MYO1E: variants seen among roughly 807,000 people sequenced by gnomAD.
MYO1E encodes the protein unconventional myosin-Ie.
A neutral mutation model predicts 151.1 loss-of-function variants in MYO1E; 68 were observed. That is an observed-to-expected ratio of 0.45 (90% CI 0.37 to 0.55). The LOEUF (loss-of-function observed/expected upper bound fraction) is 0.55. Among genes scored for constraint, MYO1E ranks in the 20% least tolerant of loss-of-function variants. The pLI, the probability that MYO1E is intolerant of heterozygous loss-of-function variation, is 0.00. For synonymous variants in MYO1E, 601 were observed against 501.7 expected (o/e 1.20, Z -2.64); for missense variants, 1,363 against 1,389.3 (o/e 0.98, Z 0.30).
chr15:59,182,579 A>G (rs1421211711), intron 18 of MYO1E, among the ~76,000 whole-genome samples: 1 of 152,228 alleles, frequency 6.6e-6, no homozygotes, highest in Non-Finnish European at 1.5e-5. Flanking sequence ...CAATAGAGAC[A>G]AGGCTATTTG....
chr15:59,339,752 C>T (rs1160754692), intron 1 of MYO1E, among the ~76,000 whole-genome samples: 1 of 152,206 alleles, frequency 6.6e-6, no homozygotes, highest in Non-Finnish European at 1.5e-5. Flanking sequence ...AGTTTTGCGG[C>T]CAAGGCCTGA....
At chr15:59,163,367 T>G (rs2079548591) in intron 22 of MYO1E, 64 bp from the exon 23 acceptor site, 1 of 1,525,378 alleles carries the variant, frequency 6.6e-7, no homozygotes, top group Admixed American at 1.9e-5. Context: ...TATTGTTTTT[T>G]TTTTCTTCCA....
chr15:59,217,761 G>C (rs1441690863), intron 10 of MYO1E, 130 bp downstream of exon 10: 1 of 1,026,780 alleles, frequency 9.7e-7, no homozygotes, highest in Non-Finnish European at 1.5e-6. Context: ...CTCCTGGGCT[G>C]CAGTGATCCT....
Position 59,224,711 on chromosome 15 carries a change from C to G in MYO1E, c.755G>C (p.Arg252Thr). 1.2e-6 allele frequency: 2 copies of G among 1,613,428 alleles called. No homozygotes were observed. Among genetic ancestry groups the G allele is most frequent in the Non-Finnish European group, 8.5e-7 (1 of 1,179,286 alleles). Residue 252 changes from arginine (R) to threonine (T), a missense_variant, in exon 8 of 28, where the codon AGG (arginine) becomes ACG (threonine). Coordinates refer to ENST00000288235, the MANE Select transcript of MYO1E (RefSeq NM_004998.4). ...GSYKVDDIDD[R>T]REFQETLHAM... is the part of the protein sequence containing the mutation. ...TACCAGAGTTTCCTGAAACTCCCGC[C>G]TGTCGTCAATGTCATCAACCTTGTA...
chr15:59,303,857 C>A (rs2080498278), intron 1 of MYO1E, among the ~76,000 whole-genome samples: 1 of 152,150 alleles, frequency 6.6e-6, no homozygotes, highest in Non-Finnish European at 1.5e-5. Context: ...TTAACAACAA[C>A]AGCAGGAATA....
intron 7 of MYO1E, among the ~76,000 whole-genome samples, chr15:59,225,868 G>A (rs886761664): frequency 2.0e-5 from 3 of 152,026 alleles, no homozygotes; most frequent in East Asian, 1.9e-4. Flanking sequence ...GGATGGTCTC[G>A]ATCTCCTGAC....
intron 2 of MYO1E, among the ~76,000 whole-genome samples, chr15:59,271,521 T>C (rs1324732598): frequency 1.3e-5 from 2 of 152,326 alleles, no homozygotes. Context: ...TCAAACAAAA[T>C]TCCTATAGAA....
At chr15:59,286,977 A>G (rs984183517) in intron 1 of MYO1E, among the ~76,000 whole-genome samples, 38 of 152,150 alleles carry the variant, frequency 2.5e-4, no homozygotes, top group South Asian at 4.1e-4. Context: ...ACTAATCCAC[A>G]TGGCAGATCA....
rs188170856 is a variant in MYO1E at position 59,294,492 on chromosome 15, G to C, written c.4-22043C>G. Among the ~76,000 whole-genome samples, 889 of 152,316 alleles carry C rather than the reference G, an allele frequency of 5.8e-3. 10 individuals carry two copies. Among genetic ancestry groups the C allele is most frequent in the African/African-American group, 0.021 (858 of 41,560 alleles). Reference sequence around the variant, plus strand: ...ACTTGGAAATAAACAGCTTTGGATAGTGAGAGATAGCTGTGCTTGGTCACG... The same window carrying C: ...ACTTGGAAATAAACAGCTTTGGATACTGAGAGATAGCTGTGCTTGGTCACG... On this transcript the variant is annotated intron_variant, in intron 1 of 27. Transcript: ENST00000288235.
chr15:59,277,652 T>C (rs1365296034), intron 1 of MYO1E, among the ~76,000 whole-genome samples: 1 of 151,974 alleles, frequency 6.6e-6, no homozygotes, highest in Non-Finnish European at 1.5e-5. Context: ...AAAAGATACA[T>C]GTGCAAGGTT....
intron 23 of MYO1E, among the ~76,000 whole-genome samples, chr15:59,162,796 G>T (rs1242933967): frequency 6.6e-6 from 1 of 151,964 alleles, no homozygotes; most frequent in Non-Finnish European, 1.5e-5. Flanking sequence ...CCCCACCTCT[G>T]TCACTTTTAT....
At chr15:59,274,807 G>A (rs2080308601) in intron 1 of MYO1E, among the ~76,000 whole-genome samples, 1 of 152,024 alleles carries the variant, frequency 6.6e-6, no homozygotes, top group African/African-American at 2.4e-5. Flanking sequence ...TTTTCTCATG[G>A]TAGTTATTTC....
intron 1 of MYO1E, among the ~76,000 whole-genome samples, chr15:59,365,995 T>C (rs1458881698): frequency 6.6e-6 from 1 of 152,238 alleles, no homozygotes; most frequent in Non-Finnish European, 1.5e-5. Context: ...TTCTCTCTTT[T>C]GAGACAGAGT....
chr15:59,286,231 C>A (rs1257318211), intron 1 of MYO1E, among the ~76,000 whole-genome samples: 2 of 152,200 alleles, frequency 1.3e-5, no homozygotes, highest in African/African-American at 4.8e-5. Flanking sequence ...TTGGAAGAAT[C>A]TCTCCTATAC....
chr15:59,352,678 G>A (rs1181483067), intron 1 of MYO1E, among the ~76,000 whole-genome samples: 4 of 152,146 alleles, frequency 2.6e-5, no homozygotes, highest in Admixed American at 2.6e-4. Flanking sequence ...TACAAATGCT[G>A]GATGATATAG....
intron 4 of MYO1E, among the ~76,000 whole-genome samples, chr15:59,251,845 A>G (rs1263328751): frequency 6.6e-6 from 1 of 152,254 alleles, no homozygotes; most frequent in African/African-American, 2.4e-5. Flanking sequence ...GACATAGAAA[A>G]GGATTATTTT....
chr15:59,245,800 G>T (rs1443117039), intron 4 of MYO1E, among the ~76,000 whole-genome samples: 1 of 152,198 alleles, frequency 6.6e-6, no homozygotes, highest in Admixed American at 6.5e-5. Flanking sequence ...GGGTCAGTTG[G>T]CAAGGGCTTC....
chr15:59,285,482 C>A (rs980971231), intron 1 of MYO1E, among the ~76,000 whole-genome samples: 5 of 151,828 alleles, frequency 3.3e-5, no homozygotes, highest in African/African-American at 1.2e-4. Flanking sequence ...CTCAGCCCCC[C>A]GAGTGGCTGG....
intron 10 of MYO1E, among the ~76,000 whole-genome samples, chr15:59,215,298 A>C (rs1285133061): frequency 1.3e-5 from 2 of 152,224 alleles, no homozygotes; most frequent in African/African-American, 4.8e-5. Flanking sequence ...GGGTTTGCTA[A>C]GTGCTCTCAA....
Sources: allele counts gnomAD v4.1 joint callset (sites outside exome capture counted in the v4.1 genomes callset), GRCh38; gene constraint gnomAD v4.1.1; transcripts MANE v1.5; gene names NCBI Gene and HGNC (gene_info 2026-07-23, HGNC 2026-07-21).